CD82: variants seen among roughly 807,000 people sequenced by gnomAD.
The protein encoded by CD82 is CD82 molecule, also known as CD82 antigen.
Under a neutral mutation model 37.4 loss-of-function variants are expected in CD82, and 36 were observed. The observed-to-expected ratio is 0.96, with a 90% CI of 0.74 to 1.27. The LOEUF (loss-of-function observed/expected upper bound fraction) is 1.27, where lower values mean the gene tolerates loss of function less well. Among genes scored for constraint, CD82 ranks in the 50% most tolerant of loss-of-function variants. The pLI, the probability that CD82 is intolerant of heterozygous loss-of-function variation, is 0.00. For synonymous variants in CD82, 158 were observed against 137.4 expected (o/e 1.15, Z -1.05); for missense variants, 340 against 347.0 (o/e 0.98, Z 0.16).
At chr11:44,586,838 C>T (rs1387092435) in intron 1 of CD82, among the ~76,000 whole-genome samples, 1 of 152,200 alleles carries the variant, frequency 6.6e-6, no homozygotes, top group Non-Finnish European at 1.5e-5. Context: ...TAAAAACATA[C>T]ATTGAGAGCT....
chr11:44,567,342 G>A (rs1042662887), intron 1 of CD82, among the ~76,000 whole-genome samples: 5 of 152,114 alleles, frequency 3.3e-5, no homozygotes, highest in Non-Finnish European at 7.4e-5. Flanking sequence ...AAGTGCTGTG[G>A]GACAGAGACG....
chr11:44,595,817 C>T (rs911477632), intron 3 of CD82, among the ~76,000 whole-genome samples: 1 of 149,436 alleles, frequency 6.7e-6, no homozygotes, highest in Non-Finnish European at 1.5e-5. Flanking sequence ...TGCCTGTAAT[C>T]CCAGTGCTTT....
chr11:44,573,996 T>C (rs186010347), intron 1 of CD82, among the ~76,000 whole-genome samples: 134 of 152,282 alleles, frequency 8.8e-4, no homozygotes, highest in Non-Finnish European at 1.4e-3. Flanking sequence ...GCTCCTGTCA[T>C]TACTTCTGGG....
intron 6 of CD82, among the ~76,000 whole-genome samples, chr11:44,613,042 G>A (rs1308290891): frequency 6.6e-6 from 1 of 152,122 alleles, no homozygotes; most frequent in Non-Finnish European, 1.5e-5. Flanking sequence ...ACTGCCCATG[G>A]GGAGCTGCTG....
chr11:44,570,048 G>C (rs751814454), intron 1 of CD82, among the ~76,000 whole-genome samples: 2 of 152,204 alleles, frequency 1.3e-5, no homozygotes, highest in Non-Finnish European at 2.9e-5. Context: ...CTCCTTCTCA[G>C]GCCCCCAGGG....
chr11:44,578,494 G>C (rs1852932685), intron 1 of CD82, among the ~76,000 whole-genome samples: 1 of 152,138 alleles, frequency 6.6e-6, no homozygotes, highest in Non-Finnish European at 1.5e-5. Flanking sequence ...AGCTCCATGT[G>C]GCCCAGGGCC....
At chr11:44,600,403 G>A (rs910257337) in intron 4 of CD82, among the ~76,000 whole-genome samples, 173 bp downstream of exon 4, 2 of 152,204 alleles carry the variant, frequency 1.3e-5, no homozygotes, top group African/African-American at 4.8e-5. Flanking sequence ...CCCTCTGCAG[G>A]GGTTTCCAAA....
intron 2 of CD82, among the ~76,000 whole-genome samples, chr11:44,593,821 A>G (rs1853179893): frequency 6.6e-6 from 1 of 151,948 alleles, no homozygotes; most frequent in African/African-American, 2.4e-5. Flanking sequence ...TTTTTGGGGG[A>G]CTCTGTGAGC....
chr11:44,597,042 G>A lies in CD82; in HGVS notation c.63+2317G>A. 6.6e-6 allele frequency: 3 copies of A among 455,726 alleles called. No homozygotes were observed. The highest frequency in any genetic ancestry group is 4.6e-5 in the South Asian group (3 of 64,542). The allele number at this position is 455,726 out of a possible 1,614,324, so 28.2% of individuals were successfully genotyped here. ...ATCCTGGCAGCAGGGGCAGCCGGTG[G>A]AGGCAGAGTGCACCTCCCCAGGCAT... On this transcript the variant is annotated intron_variant, in intron 3 of 9. Coordinates refer to ENST00000227155, the MANE Select transcript of CD82 (RefSeq NM_002231.4). This position sits in a 1 kb window ranked among gnomAD's most constrained non-coding sequence, Gnocchi z 4.1.
chr11:44,567,938 T>C (rs930035067), intron 1 of CD82, among the ~76,000 whole-genome samples: 2 of 152,234 alleles, frequency 1.3e-5, no homozygotes, highest in African/African-American at 4.8e-5. Flanking sequence ...CAACCTGTCC[T>C]GAGAATTCTC....
intron 1 of CD82, among the ~76,000 whole-genome samples, chr11:44,586,766 TC>T (rs1240507869): frequency 3.3e-5 from 5 of 152,190 alleles, no homozygotes; most frequent in African/African-American, 1.2e-4. Context: ...AGCTGCAGGA[TC>T]AATTCTGGTC....
chr11:44,619,242 T>C lies in CD82; in HGVS notation c.*116T>C, dbSNP rs4755266. 802,404 of 807,554 alleles carry C rather than the reference T, an allele frequency of 0.99. 398,760 individuals are homozygous for C. Among genetic ancestry groups the C allele is most frequent in the East Asian group, 1 (40,357 of 40,360 alleles). The allele number at this position is 807,554 out of a possible 1,614,324, so 50.0% of individuals were successfully genotyped here. A position where few individuals can be genotyped will look rare whatever the true frequency, so the allele number is the denominator to read the frequency against. ...TTCACTGCGAAGACCCTCTTGCCCATCCTGACTGAAAGTAGGGGGCTTTCT... is the reference window on the plus strand; with the variant it reads ...TTCACTGCGAAGACCCTCTTGCCCACCCTGACTGAAAGTAGGGGGCTTTCT... On this transcript the variant is annotated 3_prime_UTR_variant, in exon 10 of 10. Coordinates refer to ENST00000227155, the MANE Select transcript of CD82 (RefSeq NM_002231.4).
At chr11:44,594,278 G>C (rs1853188198) in intron 2 of CD82, among the ~76,000 whole-genome samples, 1 of 152,132 alleles carries the variant, frequency 6.6e-6, no homozygotes, top group South Asian at 2.1e-4. Flanking sequence ...TCTGTCAATG[G>C]ATCACTAACT....
chr11:44,587,441 A>G, intron 1 of CD82, 34 bp from the exon 2 acceptor site: 1 of 456,298 alleles, frequency 2.2e-6, no homozygotes, highest in Non-Finnish European at 4.4e-6. Context: ...AGAGTCACAG[A>G]CAGGAGTGAC....
At position 44,619,403 on chromosome 11, in the gene CD82, G is replaced by A. The variant is rs1479661894; in HGVS notation, c.*277G>A. On this transcript the variant is annotated 3_prime_UTR_variant, in exon 10 of 10. Transcript: ENST00000227155. ...TGCTCCCCACAGCGTCCCTGGCGCA[G>A]GTGGGCTGGACTTCTACCTGCCCTC... 2.0e-6 allele frequency: 1 copy of A among 488,734 alleles called. No homozygotes were observed. Among genetic ancestry groups the A allele is most frequent in the African/African-American group, 1.9e-5 (1 of 51,526 alleles). 30.3% of individuals were successfully genotyped at this position (488,734 alleles called of 1,614,324 possible).
chr11:44,598,379 TATC>T (rs1853258012), intron 3 of CD82, among the ~76,000 whole-genome samples: 1 of 150,324 alleles, frequency 6.7e-6, no homozygotes, highest in Non-Finnish European at 1.5e-5. Flanking sequence ...ATAGTTCAGT[TATC>T]ATGGATTTTT....
At chr11:44,570,126 C>A (rs965548085) in intron 1 of CD82, among the ~76,000 whole-genome samples, 2 of 152,232 alleles carry the variant, frequency 1.3e-5, no homozygotes, top group Non-Finnish European at 2.9e-5. Context: ...TGCCCCAAGA[C>A]GCCAGTCATG....
intron 6 of CD82, among the ~76,000 whole-genome samples, chr11:44,612,594 C>T (rs1163467148): frequency 8.0e-6 from 1 of 124,742 alleles, no homozygotes; most frequent in Non-Finnish European, 1.6e-5. Context: ...GGGCAGGGAG[C>T]GTCATCAGAG....
intron 6 of CD82, among the ~76,000 whole-genome samples, chr11:44,609,401 G>T (rs1853448174): frequency 6.6e-6 from 1 of 152,058 alleles, no homozygotes; most frequent in African/African-American, 2.4e-5. Context: ...CCATACCTGT[G>T]CCAGGGAGGC....
Sources: gnomAD v4.1 joint callset for allele counts (sites outside exome capture counted in the v4.1 genomes callset) on GRCh38, gnomAD v4.1.1 for gene constraint, Gnocchi (gnomAD v3.1) non-coding constraint, MANE v1.5 for transcripts, NCBI Gene and HGNC (gene_info 2026-07-23, HGNC 2026-07-21) for gene names.